ZSCAN2: variants seen among roughly 807,000 people sequenced by gnomAD.
ZSCAN2 encodes zinc finger and SCAN domain-containing protein 2.
ZSCAN2 carries 26 observed loss-of-function variants against 47.8 expected under a neutral mutation model. The observed-to-expected ratio is 0.54, with a 90% CI of 0.40 to 0.75. The LOEUF (loss-of-function observed/expected upper bound fraction) is 0.75. Among genes scored for constraint, ZSCAN2 ranks in the 30% least tolerant of loss-of-function variants. The probability of loss-of-function intolerance (pLI) is 0.00; values close to 1 mark genes in which losing one functional copy is unlikely to be tolerated. For synonymous variants in ZSCAN2, 305 were observed against 288.7 expected (o/e 1.06, Z -0.57); for missense variants, 732 against 785.4 (o/e 0.93, Z 0.81).
intron 1 of ZSCAN2, among the ~76,000 whole-genome samples, chr15:84,602,741 A>G (rs1220923217): frequency 6.6e-6 from 1 of 151,686 alleles, no homozygotes; most frequent in Non-Finnish European, 1.5e-5. Flanking sequence ...GGCGCCCGTC[A>G]CCATGCCTGG....
At chr15:84,604,856 G>C (rs1430215283) in intron 2 of ZSCAN2, among the ~76,000 whole-genome samples, 2 of 150,432 alleles carry the variant, frequency 1.3e-5, no homozygotes, top group African/African-American at 4.9e-5. Context: ...TCCTGCCTCA[G>C]CCTTTTGAGT....
At position 84,615,512 on chromosome 15, in the gene ZSCAN2, G is replaced by A. The variant is rs924257710; in HGVS notation, c.407-5090G>A. On this transcript the variant is annotated intron_variant, in intron 2 of 2. Coordinates refer to ENST00000546148, the MANE Select transcript of ZSCAN2 (RefSeq NM_181877.4). ...CACCTGGCTAATTTTTGTATTTTTT[G>A]TAGAGATGGGGTGTTGCCATGTTTC... Among the ~76,000 whole-genome samples the A allele has an allele frequency of 7.9e-5, 12 of 152,138 alleles. 1 individual carries two copies. In the East Asian group the frequency reaches 2.3e-3, roughly 29 times the overall value.
In ZSCAN2 at chr15:84,603,999, T is replaced by C. The variant is rs202060203; in HGVS notation, c.72T>C (p.Asp24=). Residue 24 remains aspartate, a synonymous_variant, in exon 2 of 3, where the codon GAT becomes GAC. Transcript: ENST00000546148. ...TGGTCCAGGTGCCTCAAGAGGAAGA[T>C]AGACAGGAGGAGGAGGTCACCACCA... ...SSLVQVPQEE[D]RQEEEVTTMI... is the part of the protein sequence containing the mutation. The C allele has an allele frequency of 2.9e-5, 46 of 1,613,696 alleles. No homozygotes were observed. The highest frequency in any genetic ancestry group is 1.7e-5 in the Admixed American group (1 of 59,984).
intron 2 of ZSCAN2, among the ~76,000 whole-genome samples, chr15:84,610,753 C>T (rs993005571): frequency 3.9e-5 from 6 of 152,086 alleles, no homozygotes; most frequent in African/African-American, 1.4e-4. Context: ...TCCCAAGGTG[C>T]AGGGATTACA....
chr15:84,611,474 C>T (rs533320581), intron 2 of ZSCAN2, among the ~76,000 whole-genome samples: 8 of 149,486 alleles, frequency 5.4e-5, no homozygotes, highest in Non-Finnish European at 8.9e-5. Context: ...ACAGGCCAGT[C>T]GTGGTGGCTC....
chr15:84,619,652 G>C (rs956645921), intron 2 of ZSCAN2, among the ~76,000 whole-genome samples: 5 of 152,148 alleles, frequency 3.3e-5, no homozygotes, highest in African/African-American at 1.2e-4. Context: ...TTTGAAAGGA[G>C]ACTGAGCTTT....
Position 84,621,795 on chromosome 15 carries a change from A to T in ZSCAN2, c.1600A>T (p.Met534Leu), listed in dbSNP as rs999081150. 9.9e-6 allele frequency: 16 copies of T among 1,614,010 alleles called. No homozygotes were observed. Among genetic ancestry groups the T allele is most frequent in the Non-Finnish European group, 1.4e-5 (16 of 1,180,016 alleles). Residue 534 changes from methionine to leucine, a missense_variant, in exon 3 of 3, where the codon ATG becomes TTG. Met to Leu is a conservative substitution (Grantham distance 15). Transcript: ENST00000546148. This position sits in a 1 kb window ranked among gnomAD's most constrained non-coding sequence, Gnocchi z 5.7. Reference sequence around the variant, plus strand: ...GGGCGAGAAGCCCTACAAATGCCTCATGTGCGGCAAGAGCTTCAGCCGGGG... The same window carrying T: ...GGGCGAGAAGCCCTACAAATGCCTCTTGTGCGGCAAGAGCTTCAGCCGGGG... The part of the protein sequence containing the change: ...HTGEKPYKCL[M>L]CGKSFSRGSI...
In ZSCAN2 at chr15:84,622,797, G is replaced by A. The variant is rs1372545454; in HGVS notation, c.*757G>A. 3.0e-6 allele frequency: 2 copies of A among 659,522 alleles called. No individual in the cohort carries two copies. The highest frequency in any genetic ancestry group is 2.7e-5 in the East Asian group (1 of 36,698). 40.9% of individuals were successfully genotyped at this position (659,522 alleles called of 1,614,324 possible). On this transcript the variant is annotated 3_prime_UTR_variant, in exon 3 of 3. Transcript: ENST00000546148. The stretch of plus-strand genomic sequence containing the variant: ...CTTTTGTCTCTGCCTACTGTCCTGT[G>A]GTAGATCAGCTACCAGGGGAACACA...
At chr15:84,607,711 G>A (rs541745204) in intron 2 of ZSCAN2, among the ~76,000 whole-genome samples, 4 of 152,036 alleles carry the variant, frequency 2.6e-5, no homozygotes, top group East Asian at 1.9e-4. Context: ...GTTTCACCAC[G>A]TTGGTCAGAC....
chr15:84,619,169 C>A (rs182760804), intron 2 of ZSCAN2, among the ~76,000 whole-genome samples: 5 of 152,166 alleles, frequency 3.3e-5, no homozygotes, highest in Admixed American at 2.6e-4. Flanking sequence ...CGGTGGCTCA[C>A]GCCTGTAATC....
intron 2 of ZSCAN2, among the ~76,000 whole-genome samples, chr15:84,604,847 C>T (rs1895332395): frequency 1.3e-5 from 2 of 149,878 alleles, no homozygotes; most frequent in South Asian, 4.2e-4. Flanking sequence ...AAGCAGTTCT[C>T]CTGCCTCAGC....
At position 84,623,188 on chromosome 15, in the gene ZSCAN2, C is replaced by T. The variant is rs577225492; in HGVS notation, c.*1148C>T. The T allele has an allele frequency of 1.2e-3, 181 of 156,120 alleles. 1 individual carries two copies. Among genetic ancestry groups the T allele is most frequent in the Non-Finnish European group, 1.7e-3 (118 of 69,822 alleles). The allele number at this position is 156,120 out of a possible 1,614,324, so 9.7% of individuals were successfully genotyped here. A position where few individuals can be genotyped will look rare whatever the true frequency, so the allele number is the denominator to read the frequency against. ...CTGCAAGCTCCGCCTCCCGGGTTCA[C>T]GCCATTCTCCTGCCTCAGCCTCCCG... On this transcript the variant is annotated 3_prime_UTR_variant, in exon 3 of 3. Transcript: ENST00000546148.
intron 2 of ZSCAN2, among the ~76,000 whole-genome samples, chr15:84,607,239 C>T (rs1456708548): frequency 6.6e-6 from 1 of 152,138 alleles, no homozygotes; most frequent in Non-Finnish European, 1.5e-5. Flanking sequence ...GGAGCAGCTG[C>T]CAAACTGAAC....
At chr15:84,603,433 A>C (rs1265494315) in intron 1 of ZSCAN2, among the ~76,000 whole-genome samples, 2 of 146,704 alleles carry the variant, frequency 1.4e-5, no homozygotes, top group East Asian at 4.0e-4. Flanking sequence ...CAGTGGCGAG[A>C]TCTGTGCTCA....
At chr15:84,604,764 G>T (rs1895328185) in intron 2 of ZSCAN2, among the ~76,000 whole-genome samples, 2 of 139,048 alleles carry the variant, frequency 1.4e-5, no homozygotes, top group African/African-American at 2.8e-5. Flanking sequence ...TTGAAACGGA[G>T]TCTCGCTCTG....
intron 2 of ZSCAN2, among the ~76,000 whole-genome samples, chr15:84,619,668 A>G (rs768713945): frequency 9.2e-5 from 14 of 152,166 alleles, no homozygotes; most frequent in Non-Finnish European, 1.5e-4. Flanking sequence ...GCTTTAGGGA[A>G]ATGTCTATGG....
intron 2 of ZSCAN2, chr15:84,606,598 G>A: frequency 6.2e-7 from 1 of 1,613,898 alleles, no homozygotes; most frequent in South Asian, 1.1e-5. Context: ...TCTCCAGTCA[G>A]ATACTATGGA....
intron 2 of ZSCAN2, among the ~76,000 whole-genome samples, chr15:84,617,921 C>G (rs1895732301): frequency 6.6e-6 from 1 of 152,066 alleles, no homozygotes; most frequent in South Asian, 2.1e-4. Flanking sequence ...GCCTCGGTGA[C>G]AGACTAAGAC....
At position 84,621,746 on chromosome 15, in the gene ZSCAN2, C is replaced by T. The variant is rs151001508; in HGVS notation, c.1551C>T (p.Leu517=). The part of the protein sequence containing the change: ...CGKCFSQRSQ[L]VVHQRTHTGE... ...AATGCTTCAGCCAGCGCTCCCAGCT[C>T]GTAGTGCACCAGCGGACCCACACGG... is the stretch of plus-strand genomic sequence containing the variant. The change falls in exon 3 of 3, where the codon CTC becomes CTT. Residue 517 remains leucine (L), a synonymous_variant. Coordinates refer to ENST00000546148, the MANE Select transcript of ZSCAN2 (RefSeq NM_181877.4). The surrounding 1 kb of genome is among the most constrained non-coding windows in gnomAD (Gnocchi z 5.7). The T allele has an allele frequency of 5.2e-4, 844 of 1,614,190 alleles. No homozygotes were observed. The highest frequency in any genetic ancestry group is 6.7e-4 in the Non-Finnish European group (787 of 1,180,040).
Sources: gnomAD v4.1 joint callset for allele counts (sites outside exome capture counted in the v4.1 genomes callset) on GRCh38, gnomAD v4.1.1 for gene constraint, Gnocchi (gnomAD v3.1) non-coding constraint, MANE v1.5 for transcripts, NCBI Gene and HGNC (gene_info 2026-07-23, HGNC 2026-07-21) for gene names.